The following ATAD5 variants were observed in gnomAD, a reference collection of about 807,000 sequenced individuals.
The protein encoded by ATAD5 is ATPase family AAA domain-containing protein 5.
ATAD5 carries 58 observed loss-of-function variants against 176.9 expected under a neutral mutation model. That is an observed-to-expected ratio of 0.33 (90% CI 0.27 to 0.41). The LOEUF is 0.41. Among genes scored for constraint, ATAD5 ranks in the 10% least tolerant of loss-of-function variants. The pLI, the probability that ATAD5 is intolerant of heterozygous loss-of-function variation, is 1.00. For missense variants in ATAD5, 1,789 were observed against 2,094.1 expected, an observed-to-expected ratio of 0.85 and a Z score of 2.84; for synonymous variants, 640 against 712.6, an observed-to-expected ratio of 0.90 and a Z score of 1.62.
chr17:30,879,146 G>T (rs11656845), intron 17 of ATAD5, among the ~76,000 whole-genome samples: 15,460 of 151,974 alleles, frequency 0.1, 928 homozygotes, highest in South Asian at 0.24. Context: ...GATCAGCCTG[G>T]GCACTATAGT....
Position 30,860,540 on chromosome 17 carries a change from A to C in ATAD5, c.3064A>C (p.Lys1022Gln), listed in dbSNP as rs754418435. The change falls in exon 10 of 23, where the codon AAG becomes CAG. Residue 1022 changes from lysine (K) to glutamine (Q), a missense_variant. By Grantham distance (53) the Lys-to-Gln change is moderately conservative. This residue lies in a region of ATAD5 where 487 missense variants were observed against 573.6 expected (regional missense o/e 0.85). Coordinates refer to ENST00000321990, the MANE Select transcript of ATAD5 (RefSeq NM_024857.5). ...KPNEYSKNLEKTNRKSEELSK... is the reference protein window; with the variant it reads ...KPNEYSKNLEQTNRKSEELSK... ...AAATGAGTATTCAAAAAATCTGGAG[A>C]AGACCAATAGGAAGTCAGAAGAACT... The C allele has an allele frequency of 6.3e-7, 1 of 1,599,874 alleles. No individual in the cohort carries two copies. The highest frequency in any genetic ancestry group is 8.5e-7 in the Non-Finnish European group (1 of 1,177,118).
At chr17:30,892,837 A>G in intron 20 of ATAD5, 49 bp downstream of exon 20, 1 of 1,374,724 alleles carries the variant, frequency 7.3e-7, no homozygotes, top group East Asian at 2.4e-5. Flanking sequence ...TCCTTTTCAT[A>G]TTCCCAACAT....
Position 30,865,148 on chromosome 17 carries a change from A to C in ATAD5, c.3137-556A>C, listed in dbSNP as rs368445331. ...CAGATGGTAATCCTAAAAAAAAAAA[A>C]ACCAATGTTTAAGTGTGCACTTTAA... On this transcript the variant is annotated intron_variant, in intron 10 of 22. Transcript: ENST00000321990. 4.0e-4 allele frequency among the ~76,000 whole-genome samples: 60 copies of C among 151,834 alleles called. No individual in the cohort carries two copies. In the East Asian group the frequency reaches 8.1e-3, roughly 21 times the overall value.
intron 10 of ATAD5, among the ~76,000 whole-genome samples, chr17:30,863,427 C>T (rs1035956679): frequency 7.3e-5 from 11 of 150,904 alleles, no homozygotes; most frequent in Non-Finnish European, 1.5e-4. Context: ...AGTGCAGTGG[C>T]GCGATCTCGG....
intron 10 of ATAD5, among the ~76,000 whole-genome samples, chr17:30,861,105 G>A (rs1907604015): frequency 6.6e-6 from 1 of 151,446 alleles, no homozygotes; most frequent in African/African-American, 2.4e-5. Context: ...GCCTGGCCAC[G>A]CCCAGGTAAT....
chr17:30,874,015 A>G (rs1908499705), intron 14 of ATAD5, among the ~76,000 whole-genome samples: 1 of 151,944 alleles, frequency 6.6e-6, no homozygotes. Flanking sequence ...AAATAGAAAA[A>G]TTAGCCAGGT....
At chr17:30,844,166 T>C (rs768214346) in intron 5 of ATAD5, 127 bp downstream of exon 5, 17 of 892,012 alleles carry the variant, frequency 1.9e-5, no homozygotes, top group Non-Finnish European at 2.6e-5. Context: ...TCTCGCTTTG[T>C]CACTCAGGCT....
intron 11 of ATAD5, among the ~76,000 whole-genome samples, chr17:30,866,533 G>A (rs1365942900): frequency 6.7e-6 from 1 of 149,570 alleles, no homozygotes; most frequent in African/African-American, 2.4e-5. Context: ...ATTAAGTGAT[G>A]GCCCAGTGCA....
At chr17:30,866,394 C>T (rs1907986737) in intron 11 of ATAD5, among the ~76,000 whole-genome samples, 1 of 150,380 alleles carries the variant, frequency 6.6e-6, no homozygotes, top group Non-Finnish European at 1.5e-5. Context: ...GACAGTTTCG[C>T]CATGTTGGCC....
chr17:30,855,296 G>A lies in ATAD5; in HGVS notation c.2604G>A (p.Gln868=), dbSNP rs144906361. Residue 868 remains glutamine (Q), a synonymous_variant, in exon 7 of 23, where the codon CAG becomes CAA. Coordinates refer to ENST00000321990, the MANE Select transcript of ATAD5 (RefSeq NM_024857.5). ...ACAATGCAGTGAGTACCAGTTTCCA[G>A]AGAGTCGTACATGTGCAACAAAAGG... is the stretch of plus-strand genomic sequence containing the variant. ...DVYNAVSTSF[Q]RVVHVQQKDD... 51 of 1,607,066 alleles carry A rather than the reference G, an allele frequency of 3.2e-5. No homozygotes were observed. The highest frequency in any genetic ancestry group is 4.2e-5 in the Non-Finnish European group (49 of 1,178,140).
At position 30,854,175 on chromosome 17, in the gene ATAD5, A is replaced by G. The variant is rs141082065; in HGVS notation, c.2451-968A>G. Among the ~76,000 whole-genome samples, 423 of 146,542 alleles carry G rather than the reference A, an allele frequency of 2.9e-3. 3 individuals carry two copies. The highest frequency in any genetic ancestry group is 9.8e-3 in the African/African-American group (401 of 40,798). ...TAAATTTTAAAAATTAATATTTGTC[A>G]ATATCTTATATAAAATCTAAAACAA... On this transcript the variant is annotated intron_variant, in intron 6 of 22. Transcript: ENST00000321990.
At chr17:30,863,460 G>A (rs1861334763) in intron 10 of ATAD5, among the ~76,000 whole-genome samples, 1 of 150,876 alleles carries the variant, frequency 6.6e-6, no homozygotes, top group African/African-American at 2.4e-5. Context: ...TCCGCCTCCT[G>A]GGTTCGTACC....
At chr17:30,892,905 G>A in intron 20 of ATAD5, 117 bp downstream of exon 20, 1 of 894,700 alleles carries the variant, frequency 1.1e-6, no homozygotes, top group Non-Finnish European at 1.6e-6. Flanking sequence ...ATTTGTATAA[G>A]CCTTAGGTCT....
At chr17:30,875,346 T>G (rs1431758329) in intron 14 of ATAD5, among the ~76,000 whole-genome samples, 1 of 152,178 alleles carries the variant, frequency 6.6e-6, no homozygotes, top group Non-Finnish European at 1.5e-5. Flanking sequence ...TTTATTGGCT[T>G]GCAATATTAA....
chr17:30,876,962 C>G (rs886916226), intron 15 of ATAD5, among the ~76,000 whole-genome samples: 2 of 151,860 alleles, frequency 1.3e-5, no homozygotes, highest in Non-Finnish European at 2.9e-5. Flanking sequence ...AGTGATCCAC[C>G]CACCTTAGCA....
chr17:30,867,304 G>A (rs1908058299), intron 11 of ATAD5, among the ~76,000 whole-genome samples: 1 of 152,152 alleles, frequency 6.6e-6, no homozygotes, highest in Admixed American at 6.6e-5. Flanking sequence ...GGAGCCTGAG[G>A]TGGGAGGGTC....
intron 9 of ATAD5, among the ~76,000 whole-genome samples, chr17:30,859,798 A>C (rs1907508178): frequency 2.8e-5 from 4 of 144,040 alleles, no homozygotes; most frequent in East Asian, 4.2e-4. Context: ...ATCTCGGCTC[A>C]CTGCAGCCTC....
rs753827517 is a variant in ATAD5, at chr17:30,837,214, T to TTGGGAG, written c.1976_1977insTGGGAG (p.Phe659_Thr660insGlySer). 4 of 1,504,286 alleles carry TTGGGAG rather than the reference T, an allele frequency of 2.7e-6. No homozygotes were observed. The Admixed American group carries it at 8.8e-5, about 33-fold the overall frequency. The allele number at this position is 1,504,286 out of a possible 1,614,324, so 93.2% of individuals were successfully genotyped here. On this transcript the variant is annotated inframe_insertion, in exon 3 of 23. Transcript: ENST00000321990. ...CCTTATTTTTATTTCAGAATGAAATTCACCAGAATTAGTACTCCCAAAAAA... is the reference window on the plus strand; with the variant it reads ...CCTTATTTTTATTTCAGAATGAAATTTGGGAGCACCAGAATTAGTACTCCCAAAAAA...
At chr17:30,858,047 A>G in intron 8 of ATAD5, 114 bp from the exon 9 acceptor site, 1 of 999,186 alleles carries the variant, frequency 1.0e-6, no homozygotes, top group Non-Finnish European at 1.4e-6. Flanking sequence ...CCCGGCCTAA[A>G]GCTAATCTTA....
Sources: allele counts gnomAD v4.1 joint callset (sites outside exome capture counted in the v4.1 genomes callset), GRCh38; gene constraint gnomAD v4.1.1; regional missense constraint gnomAD v4.1.1; transcripts MANE v1.5; gene names NCBI Gene and HGNC (gene_info 2026-07-23, HGNC 2026-07-21).